ADAMTS6: variants seen among roughly 807,000 people sequenced by gnomAD.
The protein encoded by ADAMTS6 is A disintegrin and metalloproteinase with thrombospondin motifs 6.
In ADAMTS6, 23 loss-of-function variants were observed where a neutral mutation model predicts 144.3. The observed-to-expected ratio is 0.16, with a 90% CI of 0.11 to 0.23. The LOEUF is 0.23. Ranked by LOEUF, ADAMTS6 falls within the 10% of genes least tolerant of loss-of-function variation. The pLI is 1.00. For synonymous variants in ADAMTS6, 444 were observed against 457.5 expected (o/e 0.97, Z 0.38); for missense variants, 999 against 1,379.6 (o/e 0.72, Z 4.37).
At chr5:65,238,890 C>T (rs1226716995) in intron 15 of ADAMTS6, among the ~76,000 whole-genome samples, 1 of 152,116 alleles carries the variant, frequency 6.6e-6, no homozygotes, top group Non-Finnish European at 1.5e-5. Flanking sequence ...TTCAACATAA[C>T]ACCATTCATA....
At chr5:65,159,314 C>G (rs990420218) in intron 24 of ADAMTS6, among the ~76,000 whole-genome samples, 2 of 152,184 alleles carry the variant, frequency 1.3e-5, no homozygotes, top group Non-Finnish European at 2.9e-5. Flanking sequence ...CTGAGCATAT[C>G]AAACCCCAGT....
At chr5:65,321,763 T>A (rs1196280754) in intron 9 of ADAMTS6, among the ~76,000 whole-genome samples, 1 of 135,932 alleles carries the variant, frequency 7.4e-6, no homozygotes, top group Non-Finnish European at 1.5e-5. Context: ...TCACCCAGGC[T>A]GGAGTGCAAT....
At position 65,174,272 on chromosome 5, in the gene ADAMTS6, G is replaced by A. The variant is rs115010024; in HGVS notation, c.2911-1264C>T. Among the ~76,000 whole-genome samples, 408 of 152,286 alleles carry A rather than the reference G, an allele frequency of 2.7e-3. 2 individuals carry two copies. The highest frequency in any genetic ancestry group is 6.8e-3 in the Middle Eastern group (2 of 294). Reference sequence around the variant, plus strand: ...ACTCGGTGTCTGAGGGGTTTTGCCCGTGGCTTGTTCTGCTACATTTCTTGG... The same window carrying A: ...ACTCGGTGTCTGAGGGGTTTTGCCCATGGCTTGTTCTGCTACATTTCTTGG... On this transcript the variant is annotated intron_variant, in intron 22 of 24. Transcript: ENST00000381055.
intron 23 of ADAMTS6, among the ~76,000 whole-genome samples, chr5:65,172,384 A>C (rs1753688019): frequency 6.6e-6 from 1 of 151,418 alleles, no homozygotes; most frequent in Non-Finnish European, 1.5e-5. Flanking sequence ...ACTGCACTCC[A>C]GCCTGAGCGA....
intron 7 of ADAMTS6, among the ~76,000 whole-genome samples, chr5:65,374,584 A>G (rs1580531473): frequency 1.3e-5 from 2 of 152,164 alleles, no homozygotes; most frequent in South Asian, 4.2e-4. Context: ...GGAGAACTAC[A>G]AACCACTGCT....
intron 7 of ADAMTS6, chr5:65,451,205 G>T: frequency 7.0e-6 from 2 of 285,432 alleles, no homozygotes; most frequent in South Asian, 1.5e-4. Context: ...ACATGCTTTT[G>T]ATTAAATATT....
At chr5:65,468,014 A>AT (rs539264962) in intron 3 of ADAMTS6, among the ~76,000 whole-genome samples, 4 of 151,992 alleles carry the variant, frequency 2.6e-5, no homozygotes, top group Non-Finnish European at 4.4e-5. Context: ...AAGAAACGAT[A>AT]TTTTTTTTCG....
In ADAMTS6 at chr5:65,334,021, AAAAAAC is replaced by A; in HGVS notation, c.1117+15_1117+20del. On this transcript the variant is annotated intron_variant, in intron 8 of 24. Coordinates refer to ENST00000381055, the MANE Select transcript of ADAMTS6 (RefSeq NM_197941.4). ...TTAAAAAAAAAAAAAAAAAAAAAAA[AAAAAAC>A]CAAAAAAAACTTACCCAGTGTTCCA... is the stretch of plus-strand genomic sequence containing the variant. 5.8e-6 allele frequency: 8 copies of A among 1,383,850 alleles called. No homozygotes were observed. The South Asian group carries it at 1.2e-4, about 20-fold the overall frequency. The allele number at this position is 1,383,850 out of a possible 1,614,324, so 85.7% of individuals were successfully genotyped here.
At chr5:65,226,359 CT>C in intron 15 of ADAMTS6, 140 bp from the exon 16 acceptor site, 1 of 863,698 alleles carries the variant, frequency 1.2e-6, no homozygotes, top group Non-Finnish European at 1.6e-6. Flanking sequence ...TTCTTTCCCC[CT>C]TTTCTAAAAT....
intron 24 of ADAMTS6, among the ~76,000 whole-genome samples, chr5:65,169,600 G>A (rs1022732559): frequency 6.8e-6 from 1 of 146,758 alleles, no homozygotes; most frequent in African/African-American, 2.6e-5. Flanking sequence ...TGTTTATTGC[G>A]GCATTATTCA....
At chr5:65,394,125 C>T (rs1448545871) in intron 7 of ADAMTS6, among the ~76,000 whole-genome samples, 1 of 152,090 alleles carries the variant, frequency 6.6e-6, no homozygotes, top group Non-Finnish European at 1.5e-5. Context: ...TGTTTCTTTC[C>T]CTTGATTCTT....
At chr5:65,187,681 A>G (rs992694821) in intron 22 of ADAMTS6, among the ~76,000 whole-genome samples, 2 of 152,134 alleles carry the variant, frequency 1.3e-5, no homozygotes, top group Non-Finnish European at 2.9e-5. Context: ...TTGAACTTCA[A>G]TTTTTAATCA....
chr5:65,302,101 AAAAAAAATATAT>A (rs1561398008), intron 9 of ADAMTS6, among the ~76,000 whole-genome samples: 1 of 108,270 alleles, frequency 9.2e-6, no homozygotes, highest in Non-Finnish European at 1.9e-5. Context: ...CCAAAAAAAA[AAAAAAAATATAT>A]ATATATATAT....
chr5:65,327,342 G>C (rs1375166465), intron 9 of ADAMTS6, among the ~76,000 whole-genome samples: 3 of 152,090 alleles, frequency 2.0e-5, no homozygotes, highest in Non-Finnish European at 2.9e-5. Context: ...ACACAAAACA[G>C]ACTATATATG....
Position 65,170,814 on chromosome 5 carries a change from C to A in ADAMTS6, c.3088-41G>T, listed in dbSNP as rs770663763. 5.0e-6 allele frequency: 8 copies of A among 1,584,502 alleles called. No individual in the cohort carries two copies. In the Admixed American group the frequency reaches 1.2e-4, roughly 24 times the overall value. On this transcript the variant is annotated intron_variant, in intron 23 of 24. Transcript: ENST00000381055. Reference sequence around the variant, plus strand: ...CAAAGAAACAAAATATTAATCTCAACAATTTTCAGGAGGTAAAAAATATAC... The same window carrying A: ...CAAAGAAACAAAATATTAATCTCAAAAATTTTCAGGAGGTAAAAAATATAC...
At chr5:65,349,074 C>G (rs1436699454) in intron 7 of ADAMTS6, among the ~76,000 whole-genome samples, 2 of 152,078 alleles carry the variant, frequency 1.3e-5, no homozygotes, top group African/African-American at 4.8e-5. Context: ...ATAAAGTACA[C>G]AGCTTATTTT....
intron 15 of ADAMTS6, among the ~76,000 whole-genome samples, chr5:65,238,528 A>G (rs917310346): frequency 6.6e-6 from 1 of 151,774 alleles, no homozygotes; most frequent in African/African-American, 2.4e-5. Flanking sequence ...TGAGCCCAGG[A>G]GGTGGAGGTT....
chr5:65,304,000 T>C (rs1248408260), intron 9 of ADAMTS6, among the ~76,000 whole-genome samples: 1 of 152,180 alleles, frequency 6.6e-6, no homozygotes, highest in Non-Finnish European at 1.5e-5. Context: ...CAGATGTATG[T>C]AAGCCAACAG....
At position 65,262,955 on chromosome 5, in the gene ADAMTS6, T is replaced by C; in HGVS notation, c.1628A>G (p.Tyr543Cys). ...GCCAAAAGGAACACAATCTCCCTGATAACACCACTGCAAGATTTCACAGAA... is the reference window on the plus strand; with the variant it reads ...GCCAAAAGGAACACAATCTCCCTGACAACACCACTGCAAGATTTCACAGAA... ...QTGNIEKGWC[Y>C]QGDCVPFGTW... is the part of the protein sequence containing the mutation. Residue 543 changes from tyrosine to cysteine, a missense_variant, in exon 13 of 25, where the codon TAT (tyrosine) becomes TGT (cysteine). Transcript: ENST00000381055. 1 of 1,613,808 alleles carries C rather than the reference T, an allele frequency of 6.2e-7. No individual in the cohort carries two copies. The highest frequency in any genetic ancestry group is 8.5e-7 in the Non-Finnish European group (1 of 1,179,882).
Sources: allele counts gnomAD v4.1 joint callset (sites outside exome capture counted in the v4.1 genomes callset), GRCh38; gene constraint gnomAD v4.1.1; transcripts MANE v1.5; gene names NCBI Gene and HGNC (gene_info 2026-07-23, HGNC 2026-07-21).